The following CDK6 variants were observed in gnomAD, a reference collection of about 807,000 sequenced individuals.
The protein encoded by CDK6 is cyclin-dependent kinase 6.
Under a neutral mutation model 37.1 loss-of-function variants are expected in CDK6, and 6 were observed. The observed-to-expected ratio is 0.16, with a 90% CI of 0.09 to 0.32. The LOEUF is 0.32. Ranked by LOEUF, CDK6 falls within the 10% of genes least tolerant of loss-of-function variation. The probability of loss-of-function intolerance (pLI) is 1.00; values close to 1 mark genes in which losing one functional copy is unlikely to be tolerated. For synonymous variants in CDK6, 160 were observed against 161.3 expected, an observed-to-expected ratio of 0.99 and a Z score of 0.06; for missense variants, 224 against 418.9, an observed-to-expected ratio of 0.53 and a Z score of 4.06.
At chr7:92,781,139 G>A (rs1799980703) in intron 2 of CDK6, among the ~76,000 whole-genome samples, 1 of 152,216 alleles carries the variant, frequency 6.6e-6, no homozygotes, top group Non-Finnish European at 1.5e-5. Context: ...CATTAACTAA[G>A]GCTATGCCTT....
At chr7:92,720,329 A>G (rs916235733) in intron 4 of CDK6, among the ~76,000 whole-genome samples, 5 of 152,202 alleles carry the variant, frequency 3.3e-5, no homozygotes, top group Non-Finnish European at 7.3e-5. Context: ...GGTATGGAGA[A>G]AAGAGGAGTG....
intron 3 of CDK6, among the ~76,000 whole-genome samples, chr7:92,737,329 A>G (rs770222864): frequency 1.3e-5 from 2 of 152,346 alleles, no homozygotes; most frequent in East Asian, 3.9e-4. Context: ...TGTTGTTTTA[A>G]TTAAATCAAA....
chr7:92,705,159 TTTTC>T (rs1485431086), intron 4 of CDK6, among the ~76,000 whole-genome samples: 3 of 152,216 alleles, frequency 2.0e-5, no homozygotes, highest in Non-Finnish European at 4.4e-5. Flanking sequence ...TTTGAGATTA[TTTTC>T]TTTCTTTTTG....
intron 1 of CDK6, among the ~76,000 whole-genome samples, chr7:92,836,269 C>T (rs892196286): frequency 1.3e-5 from 2 of 151,736 alleles, no homozygotes; most frequent in African/African-American, 4.8e-5. Flanking sequence ...AATCCTCTAG[C>T]TCCCCAAAAC....
intron 2 of CDK6, among the ~76,000 whole-genome samples, chr7:92,779,397 T>C (rs1799929918): frequency 6.6e-6 from 1 of 152,200 alleles, no homozygotes; most frequent in Non-Finnish European, 1.5e-5. Flanking sequence ...AGATGTGTAA[T>C]AGTCCATAGA....
At chr7:92,693,502 T>C (rs1240281265) in intron 4 of CDK6, among the ~76,000 whole-genome samples, 3 of 152,272 alleles carry the variant, frequency 2.0e-5, no homozygotes, top group Non-Finnish European at 2.9e-5. Context: ...TATTCATTTA[T>C]GCTTTAAACT....
intron 3 of CDK6, among the ~76,000 whole-genome samples, chr7:92,733,870 GTATT>G (rs1303703523): frequency 2.0e-5 from 3 of 152,040 alleles, no homozygotes; most frequent in African/African-American, 7.2e-5. Context: ...ATAAAAATAT[GTATT>G]TATTTATTTT....
chr7:92,727,927 C>T (rs1421222032), intron 3 of CDK6, among the ~76,000 whole-genome samples: 1 of 152,162 alleles, frequency 6.6e-6, no homozygotes, highest in Non-Finnish European at 1.5e-5. Context: ...CTTGTAAGCA[C>T]TGAATTTTAA....
At chr7:92,656,611 C>T (rs1400592179) in intron 5 of CDK6, among the ~76,000 whole-genome samples, 1 of 152,056 alleles carries the variant, frequency 6.6e-6, no homozygotes, top group Non-Finnish European at 1.5e-5. Context: ...AATGTTACAC[C>T]ACACTTTAAA....
chr7:92,715,040 G>GTA (rs1798194181), intron 4 of CDK6, among the ~76,000 whole-genome samples: 1 of 151,990 alleles, frequency 6.6e-6, no homozygotes, highest in African/African-American at 2.4e-5. Flanking sequence ...ATCATCCAGC[G>GTA]TTACATAAGG....
chr7:92,780,585 C>G (rs757766049), intron 2 of CDK6, among the ~76,000 whole-genome samples: 5 of 151,646 alleles, frequency 3.3e-5, no homozygotes, highest in Non-Finnish European at 7.4e-5. Flanking sequence ...ACGGTGAAAC[C>G]CCATCTCTAT....
chr7:92,658,755 T>C (rs1796765204), intron 5 of CDK6, among the ~76,000 whole-genome samples: 1 of 152,192 alleles, frequency 6.6e-6, no homozygotes, highest in East Asian at 1.9e-4. Context: ...TACTTTTTCG[T>C]TTAAATTTTT....
chr7:92,666,640 G>T (rs772962095), intron 5 of CDK6, among the ~76,000 whole-genome samples: 28 of 152,172 alleles, frequency 1.8e-4, no homozygotes, highest in Non-Finnish European at 2.9e-4. Flanking sequence ...GGTCCTAAAA[G>T]ATTATAATGA....
chr7:92,769,453 TC>T (rs1392900319), intron 3 of CDK6, among the ~76,000 whole-genome samples: 1 of 152,216 alleles, frequency 6.6e-6, no homozygotes. Flanking sequence ...GTGTGACCTT[TC>T]AGTGCCTCAA....
chr7:92,678,771 T>C (rs1473008232), intron 4 of CDK6, among the ~76,000 whole-genome samples: 1 of 152,212 alleles, frequency 6.6e-6, no homozygotes, highest in Non-Finnish European at 1.5e-5. Flanking sequence ...GCCCTAGAAA[T>C]GGACCTGTAT....
At chr7:92,822,407 A>G (rs1294909539) in intron 2 of CDK6, among the ~76,000 whole-genome samples, 1 of 152,128 alleles carries the variant, frequency 6.6e-6, no homozygotes, top group Admixed American at 6.5e-5. Flanking sequence ...TTTTAAATGC[A>G]ATACTGAGTG....
At chr7:92,705,082 A>G (rs1455521775) in intron 4 of CDK6, among the ~76,000 whole-genome samples, 1 of 152,204 alleles carries the variant, frequency 6.6e-6, no homozygotes, top group Non-Finnish European at 1.5e-5. Flanking sequence ...ACTGTGATTA[A>G]GAATCTGTTT....
intron 5 of CDK6, among the ~76,000 whole-genome samples, chr7:92,639,498 T>G (rs967124871): frequency 4.6e-5 from 7 of 152,216 alleles, no homozygotes; most frequent in Non-Finnish European, 4.4e-5. Flanking sequence ...ATGGCTTTGG[T>G]GCTTAAAGCC....
At chr7:92,615,969 C>A (rs777650535) in intron 7 of CDK6, among the ~76,000 whole-genome samples, 1 of 152,180 alleles carries the variant, frequency 6.6e-6, no homozygotes, top group Non-Finnish European at 1.5e-5. Flanking sequence ...ATTTCAGTCT[C>A]ATTTCCACCC....
Sources: gnomAD v4.1 joint callset for allele counts (sites outside exome capture counted in the v4.1 genomes callset) on GRCh38, gnomAD v4.1.1 for gene constraint, MANE v1.5 for transcripts, NCBI Gene and HGNC (gene_info 2026-07-23, HGNC 2026-07-21) for gene names.